OPCML: variants seen among roughly 807,000 people sequenced by gnomAD.
OPCML encodes the protein opioid binding protein/cell adhesion molecule like.
Under a neutral mutation model 37.8 loss-of-function variants are expected in OPCML, and 13 were observed. The observed-to-expected ratio is 0.34, with a 90% CI of 0.22 to 0.55. The LOEUF is 0.55. Among genes scored for constraint, OPCML ranks in the 20% least tolerant of loss-of-function variants. OPCML has a pLI of 0.91. For missense variants in OPCML, 341 were observed against 435.6 expected, an observed-to-expected ratio of 0.78 and a Z score of 1.93; for synonymous variants, 176 against 168.8, an observed-to-expected ratio of 1.04 and a Z score of -0.33.
chr11:133,192,738 T>C (rs1938373382), intron 1 of OPCML, among the ~76,000 whole-genome samples: 1 of 152,212 alleles, frequency 6.6e-6, no homozygotes, highest in African/African-American at 2.4e-5. Context: ...AGGACTGTTG[T>C]GAATATCAAT....
In OPCML at chr11:133,151,732, T is replaced by A. The variant is rs145545712; in HGVS notation, c.62-208722A>T. On this transcript the variant is annotated intron_variant, in intron 1 of 7. Transcript: ENST00000524381. ...ACACTGCTCCTGGTTCCCACCTGTG[T>A]TCTATCACGGGATCAGTTAGGGCTT... 3.7e-3 allele frequency among the ~76,000 whole-genome samples: 557 copies of A among 152,292 alleles called. 1 individual carries two copies. Among genetic ancestry groups the A allele is most frequent in the Non-Finnish European group, 5.6e-3 (379 of 68,008 alleles).
At position 133,306,665 on chromosome 11, in the gene OPCML, G is replaced by A. The variant is rs140890371; in HGVS notation, c.61+225599C>T. Among the ~76,000 whole-genome samples the A allele has an allele frequency of 5.6e-3, 855 of 152,240 alleles. 7 individuals carry two copies. The highest frequency in any genetic ancestry group is 0.02 in the African/African-American group (818 of 41,548). On this transcript the variant is annotated intron_variant, in intron 1 of 7. Transcript: ENST00000524381. ...ATAAAATGTGAAAACAGCTCTCAAG[G>A]GGGCAATGTAGTCCATCTCACCTTC...
intron 4 of OPCML, 109 bp from the exon 5 acceptor site, chr11:132,437,468 A>G (rs1478455780): frequency 6.5e-7 from 1 of 1,527,666 alleles, no homozygotes; most frequent in African/African-American, 1.4e-5. Flanking sequence ...AGCCATCAGA[A>G]TGGAGTAGGA....
At chr11:133,418,138 G>A in intron 1 of OPCML, 1 of 985,402 alleles carries the variant, frequency 1.0e-6, no homozygotes, top group Non-Finnish European at 1.2e-6. Flanking sequence ...GAAGACAGCA[G>A]GAAACAATCA....
intron 1 of OPCML, among the ~76,000 whole-genome samples, chr11:132,974,148 T>G (rs1946405701): frequency 1.3e-5 from 2 of 152,248 alleles, no homozygotes; most frequent in South Asian, 4.1e-4. Flanking sequence ...TTGCCTTTAT[T>G]ATATTTCAGC....
At chr11:132,634,983 C>T (rs889618024) in intron 3 of OPCML, among the ~76,000 whole-genome samples, 1 of 151,946 alleles carries the variant, frequency 6.6e-6, no homozygotes, top group Non-Finnish European at 1.5e-5. Flanking sequence ...GGAGCTCATG[C>T]TCCAAGAGGA....
At chr11:132,607,701 T>C (rs1591617547) in intron 3 of OPCML, among the ~76,000 whole-genome samples, 1 of 152,340 alleles carries the variant, frequency 6.6e-6, no homozygotes, top group African/African-American at 2.4e-5. Flanking sequence ...TAATTTTAGG[T>C]AATTTGTCTC....
chr11:133,385,019 C>T (rs1168804916), intron 1 of OPCML, among the ~76,000 whole-genome samples: 1 of 152,206 alleles, frequency 6.6e-6, no homozygotes, highest in Non-Finnish European at 1.5e-5. Context: ...CCTTGTGGAA[C>T]CCCTCCTTGT....
At chr11:133,003,603 G>A in intron 1 of OPCML, 4 of 964,250 alleles carry the variant, frequency 4.1e-6, no homozygotes, top group Non-Finnish European at 1.2e-6. Flanking sequence ...TTGGATATTG[G>A]CTGGAGAGTA....
At chr11:133,291,930 G>A (rs955225483) in intron 1 of OPCML, among the ~76,000 whole-genome samples, 4 of 152,230 alleles carry the variant, frequency 2.6e-5, no homozygotes, top group East Asian at 1.9e-4. Context: ...CTGGATGTGC[G>A]ATTCTGCAGT....
intron 4 of OPCML, among the ~76,000 whole-genome samples, chr11:132,445,109 G>A (rs958115134): frequency 2.6e-5 from 4 of 152,210 alleles, no homozygotes; most frequent in African/African-American, 9.7e-5. Context: ...CCCATCCAGG[G>A]CGGCCATGCT....
chr11:133,481,984 G>A (rs1480693024), intron 1 of OPCML, among the ~76,000 whole-genome samples: 1 of 152,180 alleles, frequency 6.6e-6, no homozygotes, highest in African/African-American at 2.4e-5. Flanking sequence ...CAAGGAGTCT[G>A]TACTAAAGAA....
intron 3 of OPCML, among the ~76,000 whole-genome samples, chr11:132,594,168 T>C (rs1473831970): frequency 6.6e-6 from 1 of 152,172 alleles, no homozygotes; most frequent in African/African-American, 2.4e-5. Flanking sequence ...CAAACCTACC[T>C]GAGCTGAAGA....
At chr11:132,501,479 G>A (rs887752383) in intron 4 of OPCML, among the ~76,000 whole-genome samples, 35 of 152,110 alleles carry the variant, frequency 2.3e-4, no homozygotes, top group African/African-American at 8.2e-4. Context: ...CTCTCCCTTT[G>A]GGAACTATCA....
chr11:133,163,468 C>T (rs1456122960), intron 1 of OPCML, among the ~76,000 whole-genome samples: 2 of 152,338 alleles, frequency 1.3e-5, no homozygotes, highest in South Asian at 2.1e-4. Flanking sequence ...TCCTACCAGA[C>T]AGGAAGGGGC....
chr11:132,614,769 C>A (rs1464372783), intron 3 of OPCML, among the ~76,000 whole-genome samples: 3 of 152,168 alleles, frequency 2.0e-5, no homozygotes, highest in African/African-American at 7.2e-5. Flanking sequence ...ATTTGGTGTT[C>A]TTAAAAGAGG....
At chr11:133,009,323 C>T (rs1311945919) in intron 1 of OPCML, 1 of 651,442 alleles carries the variant, frequency 1.5e-6, no homozygotes, top group Non-Finnish European at 1.9e-6. Flanking sequence ...ACAACAGAAT[C>T]TAGAATAAAA....
chr11:133,306,471 G>A lies in OPCML; in HGVS notation c.61+225793C>T, dbSNP rs148042223. On this transcript the variant is annotated intron_variant, in intron 1 of 7. Transcript: ENST00000524381. ...TTGACATTGGTTTCAATTTACAAAG[G>A]AAAATCTCTTGTCTTGGAATAGGTA... Among the ~76,000 whole-genome samples the A allele has an allele frequency of 8.5e-3, 1,294 of 152,230 alleles. 23 individuals are homozygous for A. Among genetic ancestry groups the A allele is most frequent in the African/African-American group, 0.029 (1,218 of 41,516 alleles).
chr11:133,348,987 CAT>C (rs1197294082), intron 1 of OPCML, among the ~76,000 whole-genome samples: 2 of 152,290 alleles, frequency 1.3e-5, no homozygotes, highest in African/African-American at 2.4e-5. Flanking sequence ...AGCTGTGTGT[CAT>C]AGGGGTGCGG....
Sources: allele counts gnomAD v4.1 joint callset (sites outside exome capture counted in the v4.1 genomes callset), GRCh38; gene constraint gnomAD v4.1.1; transcripts MANE v1.5; gene names NCBI Gene and HGNC (gene_info 2026-07-23, HGNC 2026-07-21).